TBL1XR1: variants seen among roughly 807,000 people sequenced by gnomAD.
TBL1XR1 encodes TBL1X/Y related 1, also known as F-box-like/WD repeat-containing protein TBL1XR1.
Under a neutral mutation model 66.9 loss-of-function variants are expected in TBL1XR1, and 5 were observed. That is an observed-to-expected ratio of 0.07 (90% confidence interval 0.04 to 0.16). The LOEUF (loss-of-function observed/expected upper bound fraction) is 0.16, where lower values mean the gene tolerates loss of function less well. Ranked by LOEUF, TBL1XR1 falls within the 10% of genes least tolerant of loss-of-function variation. The pLI is 1.00. For missense variants in TBL1XR1, 238 were observed against 623.2 expected, an observed-to-expected ratio of 0.38 and a Z score of 6.58; for synonymous variants, 210 against 206.0, an observed-to-expected ratio of 1.02 and a Z score of -0.17.
At chr3:177,028,038 A>G (rs1285282050) in intron 14 of TBL1XR1, among the ~76,000 whole-genome samples, 3 of 152,198 alleles carry the variant, frequency 2.0e-5, no homozygotes, top group Non-Finnish European at 4.4e-5. Flanking sequence ...CTAAGCTTGA[A>G]CTGGGCTATA....
chr3:177,123,571 T>G (rs1374853507), intron 1 of TBL1XR1, among the ~76,000 whole-genome samples: 5 of 131,302 alleles, frequency 3.8e-5, no homozygotes, highest in African/African-American at 1.1e-4. Context: ...TACCTAATTT[T>G]CTCATGCTTC....
chr3:177,059,265 T>C (rs1718201044), intron 3 of TBL1XR1, among the ~76,000 whole-genome samples: 1 of 152,208 alleles, frequency 6.6e-6, no homozygotes, highest in Admixed American at 6.5e-5. Context: ...TAGGAAGGAA[T>C]GGCCCAGTTA....
chr3:177,065,766 C>A (rs967723974), intron 2 of TBL1XR1, among the ~76,000 whole-genome samples: 1 of 152,176 alleles, frequency 6.6e-6, no homozygotes, highest in Non-Finnish European at 1.5e-5. Context: ...ATATTTCAGG[C>A]TTTATCAGCC....
At chr3:177,196,850 CGAGACCGGGAAAGGGTAGG>C (rs1166971829) in intron 1 of TBL1XR1, among the ~76,000 whole-genome samples, 1 of 151,654 alleles carries the variant, frequency 6.6e-6, no homozygotes, top group African/African-American at 2.4e-5. Flanking sequence ...GAGGATCCCC[CGAGACCGGGAAAGGGTAGG>C]GGGGTGGGCA....
chr3:177,080,715 C>G (rs1257304801), intron 2 of TBL1XR1, among the ~76,000 whole-genome samples: 1 of 152,102 alleles, frequency 6.6e-6, no homozygotes, highest in Non-Finnish European at 1.5e-5. Flanking sequence ...AATCAAACAT[C>G]TATCAGTAAC....
intron 1 of TBL1XR1, among the ~76,000 whole-genome samples, chr3:177,171,727 A>AAG (rs1733540230): frequency 6.7e-6 from 1 of 149,980 alleles, no homozygotes; most frequent in Non-Finnish European, 1.5e-5. Context: ...AAAAAAAAAA[A>AAG]GTTTGCTGTG....
rs552168044 is a variant in TBL1XR1, at chr3:177,114,077, A to T, written c.-121-15536T>A. ...AAGAGATCAATTATACAGCAATTTG[A>T]CTAAAGTTAAAAATGGCATATTCTT... On this transcript the variant is annotated intron_variant, in intron 1 of 15. Transcript: ENST00000457928. Among the ~76,000 whole-genome samples the T allele has an allele frequency of 1.1e-3, 160 of 152,308 alleles. 2 individuals carry two copies. The highest frequency in any genetic ancestry group is 3.7e-3 in the African/African-American group (155 of 41,586).
chr3:177,160,850 G>A (rs1182983457), intron 1 of TBL1XR1: 1 of 151,954 alleles, frequency 6.6e-6, no homozygotes, highest in African/African-American at 2.4e-5. Context: ...ACAAAAGTTA[G>A]CCAAGCATGG....
intron 1 of TBL1XR1, among the ~76,000 whole-genome samples, chr3:177,116,140 ACAATTTGTTTAAAATG>A (rs1726280614): frequency 6.6e-6 from 1 of 152,170 alleles, no homozygotes; most frequent in Non-Finnish European, 1.5e-5. Flanking sequence ...TTCCTGTCTC[ACAATTTGTTTAAAATG>A]GTATTTTACT....
chr3:177,161,324 C>G (rs945861977), intron 1 of TBL1XR1, among the ~76,000 whole-genome samples: 11 of 152,082 alleles, frequency 7.2e-5, no homozygotes, highest in African/African-American at 2.7e-4. Context: ...AAAACCCTGA[C>G]TGAAAAAAAG....
At chr3:177,055,135 T>C (rs547573910) in intron 3 of TBL1XR1, among the ~76,000 whole-genome samples, 25 of 152,184 alleles carry the variant, frequency 1.6e-4, no homozygotes, top group Non-Finnish European at 3.2e-4. Flanking sequence ...ATTTAATCTA[T>C]ATAGTATGTC....
intron 1 of TBL1XR1, among the ~76,000 whole-genome samples, chr3:177,161,140 G>C (rs1732162851): frequency 6.6e-6 from 1 of 152,082 alleles, no homozygotes; most frequent in South Asian, 2.1e-4. Flanking sequence ...TTGGAAATTT[G>C]GTAAATGCTT....
chr3:177,121,776 G>GT (rs1727004855), intron 1 of TBL1XR1, among the ~76,000 whole-genome samples: 1 of 151,918 alleles, frequency 6.6e-6, no homozygotes, highest in Non-Finnish European at 1.5e-5. Context: ...AGGCAAGCCT[G>GT]TTTCCATTAA....
chr3:177,114,145 G>C (rs1475074636), intron 1 of TBL1XR1, among the ~76,000 whole-genome samples: 2 of 151,838 alleles, frequency 1.3e-5, no homozygotes, highest in East Asian at 3.8e-4. Context: ...CCACAAAATG[G>C]TAACTATGGG....
intron 1 of TBL1XR1, among the ~76,000 whole-genome samples, chr3:177,114,842 G>A (rs1413742108): frequency 6.6e-6 from 1 of 151,850 alleles, no homozygotes; most frequent in Non-Finnish European, 1.5e-5. Flanking sequence ...AGCTGGGCAG[G>A]GTGGCATGCA....
chr3:177,089,213 A>G (rs1286059311), intron 2 of TBL1XR1, among the ~76,000 whole-genome samples: 1 of 152,192 alleles, frequency 6.6e-6, no homozygotes, highest in East Asian at 1.9e-4. Context: ...CTGTCAGTAG[A>G]CCAGAATATT....
At chr3:177,187,204 G>T (rs1410755514) in intron 1 of TBL1XR1, among the ~76,000 whole-genome samples, 1 of 150,548 alleles carries the variant, frequency 6.6e-6, no homozygotes, top group African/African-American at 2.4e-5. Flanking sequence ...GACCAACCTG[G>T]CCAACATGGC....
intron 3 of TBL1XR1, among the ~76,000 whole-genome samples, chr3:177,056,514 A>G (rs1374933887): frequency 1.3e-5 from 2 of 152,210 alleles, no homozygotes; most frequent in African/African-American, 2.4e-5. Flanking sequence ...AGTCATTAGC[A>G]TTGTTTTGGC....
chr3:177,111,331 G>A (rs1399160113), intron 1 of TBL1XR1, among the ~76,000 whole-genome samples: 1 of 151,144 alleles, frequency 6.6e-6, no homozygotes, highest in Non-Finnish European at 1.5e-5. Context: ...GGAGTGCAGT[G>A]GCGCTATCTC....
Sources: allele counts gnomAD v4.1 joint callset (sites outside exome capture counted in the v4.1 genomes callset), GRCh38; gene constraint gnomAD v4.1.1; transcripts MANE v1.5; gene names NCBI Gene and HGNC (gene_info 2026-07-23, HGNC 2026-07-21).